The following MORC2 variants were observed in gnomAD, a reference collection of about 807,000 sequenced individuals.
MORC2 encodes the protein MORC family CW-type zinc finger 2.
A neutral mutation model predicts 136.0 loss-of-function variants in MORC2; 30 were observed. The ratio of observed to expected loss-of-function variants is 0.22; its 90% CI spans 0.17 to 0.30. MORC2 has a LOEUF of 0.30. Ranked by LOEUF, MORC2 falls within the 10% of genes least tolerant of loss-of-function variation. The pLI, the probability that MORC2 is intolerant of heterozygous loss-of-function variation, is 1.00. For synonymous variants in MORC2, 439 were observed against 487.0 expected, an observed-to-expected ratio of 0.90 and a Z score of 1.30; for missense variants, 922 against 1,333.1, an observed-to-expected ratio of 0.69 and a Z score of 4.80.
chr22:30,959,422 T>C (rs1353795282), intron 1 of MORC2, among the ~76,000 whole-genome samples: 5 of 152,244 alleles, frequency 3.3e-5, no homozygotes, highest in Non-Finnish European at 1.5e-5. Flanking sequence ...AGTTATTCTC[T>C]TTACCTTCTC....
chr22:30,954,145 A>C (rs949531946), intron 3 of MORC2, among the ~76,000 whole-genome samples: 1 of 152,096 alleles, frequency 6.6e-6, no homozygotes, highest in African/African-American at 2.4e-5. Context: ...ATATACAAAA[A>C]TTAACCAGGT....
intron 20 of MORC2, 112 bp from the exon 21 acceptor site, chr22:30,933,632 C>T (rs1466414774): frequency 1.9e-6 from 2 of 1,059,636 alleles, no homozygotes; most frequent in Non-Finnish European, 2.8e-6. Context: ...TCCTGTGCTA[C>T]AGTTTAAATC....
Position 30,941,969 on chromosome 22 carries a change from A to G in MORC2, c.620T>C (p.Met207Thr). ...TLVIIFNLKLMDNGEPELDII... is the reference protein window; with the variant it reads ...TLVIIFNLKLTDNGEPELDII... ...GTCTAGTTCTGGCTCTCCATTATCC[A>G]TGAGTTTGAGATTGAAGATGATCAC... The change falls in exon 8 of 26, where the codon ATG becomes ACG. Residue 207 changes from methionine (M) to threonine (T), a missense_variant. Coordinates refer to ENST00000397641, the MANE Select transcript of MORC2 (RefSeq NM_001303256.3). This position sits in a 1 kb window ranked among gnomAD's most constrained non-coding sequence, Gnocchi z 4.6. 6.2e-7 allele frequency: 1 copy of G among 1,613,854 alleles called. No individual in the cohort carries two copies.
Position 30,958,631 on chromosome 22 carries a change from G to A in MORC2, c.122+10C>T, listed in dbSNP as rs2040999892. On this transcript the variant is annotated intron_variant, in intron 2 of 25. Coordinates refer to ENST00000397641, the MANE Select transcript of MORC2 (RefSeq NM_001303256.3). ...TTCAAGCACAGATTGTATGCCTGAAGACTACATACCTTGCATTATCAACCA... is the reference window on the plus strand; with the variant it reads ...TTCAAGCACAGATTGTATGCCTGAAAACTACATACCTTGCATTATCAACCA... 3 of 1,544,510 alleles carry A rather than the reference G, an allele frequency of 1.9e-6. No homozygotes were observed. The highest frequency in any genetic ancestry group is 2.6e-6 in the Non-Finnish European group (3 of 1,142,008).
At position 30,958,643 on chromosome 22, in the gene MORC2, T is replaced by C. The variant is rs1209270888; in HGVS notation, c.120A>G (p.Ala40=). The part of the protein sequence containing the change: ...FGALAELVDN[A]RDADATRIDI... ...TTGTATGCCTGAAGACTACATACCT[T>C]GCATTATCAACCAGTTCAGCAAGGG... The change falls in exon 2 of 26, where the codon GCA becomes GCG. Residue 40 remains alanine, a splice_region_variant and synonymous_variant. Coordinates refer to ENST00000397641, the MANE Select transcript of MORC2 (RefSeq NM_001303256.3). The C allele has an allele frequency of 2.6e-6, 4 of 1,547,746 alleles. No individual in the cohort carries two copies. Among genetic ancestry groups the C allele is most frequent in the South Asian group, 2.4e-5 (2 of 83,988 alleles).
chr22:30,943,863 G>T (rs1227560009), intron 6 of MORC2, among the ~76,000 whole-genome samples: 1 of 152,134 alleles, frequency 6.6e-6, no homozygotes, highest in Admixed American at 6.5e-5. Context: ...TCCGCCTCCT[G>T]GGTTCAAGTG....
chr22:30,926,609 T>A lies in MORC2; in HGVS notation c.*194A>T. ...AAAGTATGGTCTCACAGGCACAGCATCTTCTTTTAAAAAATAAATATTTAT... is the reference window on the plus strand; with the variant it reads ...AAAGTATGGTCTCACAGGCACAGCAACTTCTTTTAAAAAATAAATATTTAT... On this transcript the variant is annotated 3_prime_UTR_variant, in exon 26 of 26. Transcript: ENST00000397641. 8 of 157,942 alleles carry A rather than the reference T, an allele frequency of 5.1e-5. No homozygotes were observed. Among genetic ancestry groups the A allele is most frequent in the Admixed American group, 8.2e-5 (1 of 12,226 alleles). The allele number at this position is 157,942 out of a possible 1,614,324, so 9.8% of individuals were successfully genotyped here.
At chr22:30,954,630 T>C (rs79751573) in intron 3 of MORC2, among the ~76,000 whole-genome samples, 4,186 of 152,290 alleles carry the variant, frequency 0.027, 192 homozygotes, top group African/African-American at 0.093. Context: ...AAAGACACAC[T>C]GGGTCCTTTT....
chr22:30,965,494 G>T (rs2041114573), intron 1 of MORC2, among the ~76,000 whole-genome samples: 1 of 152,172 alleles, frequency 6.6e-6, no homozygotes, highest in Non-Finnish European at 1.5e-5. Flanking sequence ...TATCTTGTTG[G>T]TTTAGGGTTT....
rs915306037 is a variant in MORC2, at chr22:30,936,911, C to G, written c.1604+21G>C. On this transcript the variant is annotated intron_variant, in intron 16 of 25. Transcript: ENST00000397641. Reference sequence around the variant, plus strand: ...AGGGGAGAAAAGTACCCACAATCCCCTTGTTAGACAATGTGCTCACCGGTC... The same window carrying G: ...AGGGGAGAAAAGTACCCACAATCCCGTTGTTAGACAATGTGCTCACCGGTC... 3.7e-5 allele frequency: 59 copies of G among 1,600,640 alleles called. 1 individual carries two copies. The highest frequency in any genetic ancestry group is 6.7e-5 in the Admixed American group (4 of 59,858).
intron 1 of MORC2, 147 bp downstream of exon 1, chr22:30,967,675 C>G: frequency 6.9e-7 from 1 of 1,451,268 alleles, no homozygotes; most frequent in Non-Finnish European, 9.1e-7. Flanking sequence ...TTCTTCAATA[C>G]AGAGCTCAAG....
At chr22:30,955,222 T>C (rs977005299) in intron 3 of MORC2, among the ~76,000 whole-genome samples, 2 of 152,164 alleles carry the variant, frequency 1.3e-5, no homozygotes. Flanking sequence ...CTTCCCAAAG[T>C]GTTGGGATTA....
chr22:30,941,126 T>C lies in MORC2; in HGVS notation c.825-289A>G, dbSNP rs1055593424. On this transcript the variant is annotated intron_variant, in intron 9 of 25. Transcript: ENST00000397641. This position sits in a 1 kb window ranked among gnomAD's most constrained non-coding sequence, Gnocchi z 4.6. ...AAGCCAAGCCCACTGCTTTCCTATA[T>C]AGTGTCTAAAGGCCCCTTGGCCCTA... 6.6e-6 allele frequency among the ~76,000 whole-genome samples: 1 copy of C among 152,132 alleles called. No homozygotes were observed. Among genetic ancestry groups the C allele is most frequent in the Non-Finnish European group, 1.5e-5 (1 of 68,020 alleles).
intron 5 of MORC2, among the ~76,000 whole-genome samples, chr22:30,948,994 C>G (rs1400641375): frequency 3.9e-5 from 6 of 152,282 alleles, no homozygotes; most frequent in African/African-American, 1.2e-4. Flanking sequence ...CTGATCAAAC[C>G]ACCACCCTCC....
Position 30,946,298 on chromosome 22 carries a change from G to A in MORC2, c.426+43C>T, listed in dbSNP as rs1231494983. On this transcript the variant is annotated intron_variant, in intron 6 of 25. Coordinates refer to ENST00000397641, the MANE Select transcript of MORC2 (RefSeq NM_001303256.3). Reference sequence around the variant, plus strand: ...TACGAAAACCGCCTGGGCAGACTCAGGAAATGAGGACTGGTGATGCAGACC... The same window carrying A: ...TACGAAAACCGCCTGGGCAGACTCAAGAAATGAGGACTGGTGATGCAGACC... The A allele has an allele frequency of 2.6e-6, 4 of 1,515,842 alleles. No homozygotes were observed. The African/African-American group carries it at 5.5e-5, about 21-fold the overall frequency. 93.9% of individuals were successfully genotyped at this position (1,515,842 alleles called of 1,614,324 possible).
At chr22:30,933,685 G>A (rs1457226438) in intron 20 of MORC2, among the ~76,000 whole-genome samples, 165 bp from the exon 21 acceptor site, 2 of 152,090 alleles carry the variant, frequency 1.3e-5, no homozygotes, top group African/African-American at 4.8e-5. Context: ...CACTGTCCAA[G>A]GTACCTACCC....
chr22:30,947,715 C>T (rs547040819), intron 5 of MORC2, among the ~76,000 whole-genome samples: 20 of 152,290 alleles, frequency 1.3e-4, no homozygotes, highest in African/African-American at 4.8e-4. Flanking sequence ...CTCCTCCTTC[C>T]CTAAAGCGTA....
chr22:30,935,467 G>T, intron 17 of MORC2, 145 bp from the exon 18 acceptor site: 1 of 735,494 alleles, frequency 1.4e-6, no homozygotes, highest in Non-Finnish European at 2.2e-6. Context: ...TTCTCATTGG[G>T]GAGACACAAA....
At position 30,937,547 on chromosome 22, in the gene MORC2, G is replaced by A. The variant is rs1569191968; in HGVS notation, c.1498+36C>T. The A allele has an allele frequency of 6.2e-7, 1 of 1,603,642 alleles. No homozygotes were observed. ...AGAGAAAAGAGGCTTGTGGGCTGAT[G>A]GAAATGAGTCGGGGGGGTCCAACCA... On this transcript the variant is annotated intron_variant, in intron 15 of 25. Coordinates refer to ENST00000397641, the MANE Select transcript of MORC2 (RefSeq NM_001303256.3). The surrounding 1 kb of genome is among the most constrained non-coding windows in gnomAD (Gnocchi z 4.7).
Sources: gnomAD v4.1 joint callset for allele counts (sites outside exome capture counted in the v4.1 genomes callset) on GRCh38, gnomAD v4.1.1 for gene constraint, Gnocchi (gnomAD v3.1) non-coding constraint, MANE v1.5 for transcripts, NCBI Gene and HGNC (gene_info 2026-07-23, HGNC 2026-07-21) for gene names.